Variants in UGT1A7 observed in about 807,000 individuals in gnomAD.
UGT1A7 encodes the protein UDP glucuronosyltransferase family 1 member A7, also known as UDP-glucuronosyltransferase 1A7.
UGT1A7 carries 33 observed loss-of-function variants against 45.6 expected under a neutral mutation model. The ratio of observed to expected loss-of-function variants is 0.72; its 90% CI spans 0.55 to 0.97. UGT1A7 has a LOEUF of 0.97. UGT1A7 is among the 50% of genes least tolerant of loss of function. The pLI is 0.00. For missense variants in UGT1A7, 684 were observed against 666.2 expected, an observed-to-expected ratio of 1.03 and a Z score of -0.29; for synonymous variants, 274 against 250.6, an observed-to-expected ratio of 1.09 and a Z score of -0.88.
chr2:233,705,091 G>A (rs1166254689), intron 1 of UGT1A7, among the ~76,000 whole-genome samples: 3 of 151,666 alleles, frequency 2.0e-5, no homozygotes, highest in Admixed American at 6.6e-5. Flanking sequence ...AGCCAAGATC[G>A]TGCCATTGCA....
At chr2:233,693,016 C>G (rs769422699) in intron 1 of UGT1A7, 1 of 1,613,998 alleles carries the variant, frequency 6.2e-7, no homozygotes, top group Non-Finnish European at 8.5e-7. Context: ...TGGCCTGCCT[C>G]CTTCGCTCAT....
chr2:233,737,563 C>G (rs1384498695), intron 1 of UGT1A7, among the ~76,000 whole-genome samples: 1 of 152,164 alleles, frequency 6.6e-6, no homozygotes, highest in Non-Finnish European at 1.5e-5. Context: ...GTGGGATGCA[C>G]CCACTATCCA....
At chr2:233,713,015 C>T (rs777835702) in intron 1 of UGT1A7, 5 of 1,613,700 alleles carry the variant, frequency 3.1e-6, no homozygotes, top group South Asian at 1.1e-5. Context: ...TCCAGGTTCC[C>T]CTGCCGCAGC....
At chr2:233,729,773 AC>A (rs1344776353) in intron 1 of UGT1A7, 1 of 1,613,832 alleles carries the variant, frequency 6.2e-7, no homozygotes, top group African/African-American at 1.3e-5. Context: ...AACATGCTCT[AC>A]CCTCTGGCCC....
chr2:233,693,920 C>T (rs2075188666), intron 1 of UGT1A7: 2 of 1,611,066 alleles, frequency 1.2e-6, no homozygotes, highest in Admixed American at 3.3e-5. Flanking sequence ...TCTGTCCTCC[C>T]TCACTCATTT....
chr2:233,770,961 C>T (rs898469927), intron 4 of UGT1A7: 13 of 152,156 alleles, frequency 8.5e-5, no homozygotes, highest in African/African-American at 3.1e-4. Flanking sequence ...GGAGCTTTTA[C>T]TCATGGCAGA....
chr2:233,770,091 G>A (rs1182025509), intron 4 of UGT1A7: 1 of 152,674 alleles, frequency 6.5e-6, no homozygotes, highest in East Asian at 1.9e-4. Context: ...CAGTGGTATA[G>A]ATAACTACTT....
intron 1 of UGT1A7, among the ~76,000 whole-genome samples, chr2:233,707,259 A>G (rs1327423333): frequency 6.6e-6 from 1 of 151,866 alleles, no homozygotes; most frequent in Admixed American, 6.6e-5. Context: ...TTTCTTCATC[A>G]GCATTTATTT....
intron 1 of UGT1A7, among the ~76,000 whole-genome samples, chr2:233,764,826 T>G (rs932278016): frequency 5.9e-5 from 9 of 151,744 alleles, no homozygotes; most frequent in African/African-American, 2.2e-4. Flanking sequence ...TGCAGCATGG[T>G]GGTGGGGAGG....
chr2:233,729,735 C>A, intron 1 of UGT1A7: 1 of 1,614,000 alleles, frequency 6.2e-7, no homozygotes, highest in South Asian at 1.1e-5. Context: ...CCAATTCAGA[C>A]CACATGACAT....
rs759406667 is a variant in UGT1A7 at position 233,713,458 on chromosome 2, T to G, written c.855+30666T>G. ...GTGGTTCTAACAGACCCCTTTCACC[T>G]CTGCGCGGCGGTGCTGGCTAAGTAC... On this transcript the variant is annotated intron_variant, in intron 1 of 4. Coordinates refer to ENST00000373426, the MANE Select transcript of UGT1A7 (RefSeq NM_019077.3). 4 of 1,614,140 alleles carry G rather than the reference T, an allele frequency of 2.5e-6. No homozygotes were observed. The Admixed American group carries it at 6.7e-5, about 27-fold the overall frequency.
chr2:233,740,163 G>T (rs1258097121), intron 1 of UGT1A7, among the ~76,000 whole-genome samples: 1 of 151,848 alleles, frequency 6.6e-6, no homozygotes, highest in Non-Finnish European at 1.5e-5. Flanking sequence ...CCCCAGTCAT[G>T]TGGAACTGTG....
At chr2:233,739,701 C>T (rs1691179218) in intron 1 of UGT1A7, among the ~76,000 whole-genome samples, 1 of 152,172 alleles carries the variant, frequency 6.6e-6, no homozygotes, top group Non-Finnish European at 1.5e-5. Flanking sequence ...ATTTTACAGG[C>T]TCATGGGGGA....
rs571818278 is a variant in UGT1A7, at chr2:233,740,159, T to C, written c.856-26875T>C. Among the ~76,000 whole-genome samples, 52 of 151,986 alleles carry C rather than the reference T, an allele frequency of 3.4e-4. 1 individual carries two copies. Among genetic ancestry groups the C allele is most frequent in the African/African-American group, 1.2e-3 (48 of 41,236 alleles). On this transcript the variant is annotated intron_variant, in intron 1 of 4. Coordinates refer to ENST00000373426, the MANE Select transcript of UGT1A7 (RefSeq NM_019077.3). ...TGTAAGTTTCCTGAGGCCTCCCCAG[T>C]CATGTGGAACTGTGAGTCAATTAAA...
At chr2:233,700,425 T>G (rs901501632) in intron 1 of UGT1A7, among the ~76,000 whole-genome samples, 10 of 152,144 alleles carry the variant, frequency 6.6e-5, no homozygotes, top group Non-Finnish European at 1.0e-4. Context: ...TAATAGATAA[T>G]TATCTAAAGA....
chr2:233,752,524 A>T (rs1231920163), intron 1 of UGT1A7: 1 of 152,204 alleles, frequency 6.6e-6, no homozygotes, highest in African/African-American at 2.4e-5. Context: ...TCAATTCTAA[A>T]AATTCTTTAA....
intron 1 of UGT1A7, chr2:233,740,934 T>G (rs1244691991): frequency 6.6e-6 from 1 of 151,802 alleles, no homozygotes; most frequent in East Asian, 1.9e-4. Flanking sequence ...AAAGTTTTTT[T>G]TTTAATTAGC....
At chr2:233,733,420 A>C (rs1380282532) in intron 1 of UGT1A7, among the ~76,000 whole-genome samples, 1 of 152,116 alleles carries the variant, frequency 6.6e-6, no homozygotes, top group African/African-American at 2.4e-5. Context: ...GTTTTCGCCT[A>C]CTCAGTATGA....
In UGT1A7 at chr2:233,772,321, T is replaced by C; in HGVS notation, c.1355T>C (p.Leu452Pro). 1 of 1,614,248 alleles carries C rather than the reference T, an allele frequency of 6.2e-7. No homozygotes were observed. The highest frequency in any genetic ancestry group is 8.5e-7 in the Non-Finnish European group (1 of 1,180,036). ...CACAAGGACCGCCCGGTGGAGCCGC[T>C]GGACCTGGCCGTGTTCTGGGTGGAG... is the stretch of plus-strand genomic sequence containing the variant. Reference protein sequence around the residue: ...SLHKDRPVEPLDLAVFWVEFV... With the variant: ...SLHKDRPVEPPDLAVFWVEFV... Residue 452 changes from leucine to proline, a missense_variant, in exon 5 of 5, where the codon CTG (leucine) becomes CCG (proline). By Grantham distance (98) the Leu-to-Pro change is moderately conservative. Coordinates refer to ENST00000373426, the MANE Select transcript of UGT1A7 (RefSeq NM_019077.3).
Sources: gnomAD v4.1 joint callset for allele counts (sites outside exome capture counted in the v4.1 genomes callset) on GRCh38, gnomAD v4.1.1 for gene constraint, MANE v1.5 for transcripts, NCBI Gene and HGNC (gene_info 2026-07-23, HGNC 2026-07-21) for gene names.